Variants in EPB41 observed in about 807,000 individuals in gnomAD.
EPB41 encodes the protein protein 4.1.
A neutral mutation model predicts 108.0 loss-of-function variants in EPB41; 65 were observed. That is an observed-to-expected ratio of 0.60 (90% CI 0.49 to 0.74). The LOEUF (loss-of-function observed/expected upper bound fraction) is 0.74, where lower values mean the gene tolerates loss of function less well. Among genes scored for constraint, EPB41 ranks in the 30% least tolerant of loss-of-function variants. EPB41 has a pLI of 0.00. For missense variants in EPB41, 875 were observed against 1,037.0 expected (o/e 0.84, Z 2.15); for synonymous variants, 336 against 358.9 (o/e 0.94, Z 0.72).
At chr1:28,955,676 C>T (rs560807593) in intron 1 of EPB41, among the ~76,000 whole-genome samples, 4 of 152,062 alleles carry the variant, frequency 2.6e-5, no homozygotes, top group African/African-American at 4.8e-5. Context: ...GACTGTCCTC[C>T]GTTTACTGAG....
chr1:29,107,131 C>T (rs1282519477), intron 17 of EPB41, among the ~76,000 whole-genome samples: 1 of 151,474 alleles, frequency 6.6e-6, no homozygotes, highest in African/African-American at 2.4e-5. Flanking sequence ...TGCGGTGAGC[C>T]GAGATCCCAC....
chr1:29,015,323 C>T (rs555878912), intron 5 of EPB41, among the ~76,000 whole-genome samples: 2 of 151,550 alleles, frequency 1.3e-5, no homozygotes, highest in African/African-American at 2.4e-5. Flanking sequence ...TTTGGGAGGC[C>T]GAGGCGGGTG....
At chr1:29,102,681 G>A (rs1475434821) in intron 17 of EPB41, among the ~76,000 whole-genome samples, 1 of 152,056 alleles carries the variant, frequency 6.6e-6, no homozygotes, top group Non-Finnish European at 1.5e-5. Context: ...TCTGCCTCCC[G>A]AGTTCAAGTG....
chr1:28,980,318 A>G (rs1222945255), intron 1 of EPB41, among the ~76,000 whole-genome samples: 3 of 152,164 alleles, frequency 2.0e-5, no homozygotes, highest in African/African-American at 7.2e-5. Flanking sequence ...AGCCTGGGCC[A>G]CAGAGCCAGA....
intron 1 of EPB41, among the ~76,000 whole-genome samples, chr1:28,897,169 C>T (rs2090758620): frequency 6.6e-6 from 1 of 152,050 alleles, no homozygotes; most frequent in Non-Finnish European, 1.5e-5. Context: ...GGGATGAGAC[C>T]TCTTTGGGGT....
At chr1:28,913,015 C>G (rs114065036), upstream of EPB41, among the ~76,000 whole-genome samples, 1,217 of 152,204 alleles carry the variant, frequency 8.0e-3, 24 homozygotes, top group African/African-American at 0.027. Context: ...TGCTCTGTTG[C>G]CCAAGCTGGA....
intron 16 of EPB41, chr1:29,065,932 A>C (rs1647368653): frequency 6.6e-6 from 1 of 152,228 alleles, no homozygotes. Context: ...GCACCACTGC[A>C]CTACAGCCTG....
intron 16 of EPB41, chr1:29,070,544 C>G: frequency 8.1e-7 from 1 of 1,232,102 alleles, no homozygotes; most frequent in East Asian, 3.2e-5. Context: ...TTTTCCATCT[C>G]CTCGTATTCC....
At chr1:28,988,032 G>T (rs1285026416) in intron 2 of EPB41, 127 bp downstream of exon 2, 79 of 973,544 alleles carry the variant, frequency 8.1e-5, no homozygotes, top group Non-Finnish European at 8.1e-5. Flanking sequence ...GGAGGCCGAG[G>T]CAGGCGGATC....
Position 29,065,169 on chromosome 1 carries a change from T to C in EPB41, c.2184+11T>C, listed in dbSNP as rs1573442293. 1.9e-6 allele frequency: 3 copies of C among 1,568,856 alleles called. No individual in the cohort carries two copies. In the African/African-American group the frequency reaches 4.1e-5, roughly 21 times the overall value. ...CCCACAGGAGAAGGAGTGAGTACTTTGTCCACATGACCAATTGTGAAAATG... is the reference window on the plus strand; with the variant it reads ...CCCACAGGAGAAGGAGTGAGTACTTCGTCCACATGACCAATTGTGAAAATG... On this transcript the variant is annotated intron_variant, in intron 16 of 20. Coordinates refer to ENST00000343067, the MANE Select transcript of EPB41 (RefSeq NM_001376013.1).
chr1:28,989,424 A>G, intron 2 of EPB41: 1 of 978,374 alleles, frequency 1.0e-6, no homozygotes, highest in Non-Finnish European at 1.2e-6. Context: ...TATTATCTGC[A>G]TCGTTAAAAG....
In EPB41 at chr1:29,030,151, T is replaced by A. The variant is rs10915216; in HGVS notation, c.1125-249T>A. ...AAATTGTTTAGTAGGATTAAAAAAA[T>A]TTTTTTTGCAGCTTTTTGGTGACTT... On this transcript the variant is annotated intron_variant, in intron 7 of 20. Coordinates refer to ENST00000343067, the MANE Select transcript of EPB41 (RefSeq NM_001376013.1). Among the ~76,000 whole-genome samples the A allele has an allele frequency of 0.42, 63,593 of 151,636 alleles. 15,165 individuals are homozygous for A. The highest frequency in any genetic ancestry group is 0.56 in the South Asian group (2,689 of 4,806).
At chr1:28,980,953 A>G (rs1388232699) in intron 1 of EPB41, among the ~76,000 whole-genome samples, 1 of 151,978 alleles carries the variant, frequency 6.6e-6, no homozygotes, top group African/African-American at 2.4e-5. Flanking sequence ...TTGTATTTTT[A>G]GTAGAGACAG....
intron 7 of EPB41, among the ~76,000 whole-genome samples, chr1:29,027,651 C>T (rs1397748252): frequency 2.0e-5 from 3 of 151,528 alleles, no homozygotes; most frequent in Admixed American, 1.3e-4. Context: ...CTCTCTATGT[C>T]GCCTAGGCTC....
Position 29,018,536 on chromosome 1 carries a change from T to C in EPB41, c.1124+94T>C, listed in dbSNP as rs1481466288. On this transcript the variant is annotated intron_variant, in intron 7 of 20. Coordinates refer to ENST00000343067, the MANE Select transcript of EPB41 (RefSeq NM_001376013.1). The surrounding 1 kb of genome is among the most constrained non-coding windows in gnomAD (Gnocchi z 4.4). Reference sequence around the variant, plus strand: ...TTCATTGTTTGCCTAAGAGGGATCATGGTGCCATAGAAAGAGTCAGTTTCC... The same window carrying C: ...TTCATTGTTTGCCTAAGAGGGATCACGGTGCCATAGAAAGAGTCAGTTTCC... 2 of 1,260,114 alleles carry C rather than the reference T, an allele frequency of 1.6e-6. No individual in the cohort carries two copies. The highest frequency in any genetic ancestry group is 1.2e-5 in the South Asian group (1 of 82,676). 78.1% of individuals were successfully genotyped at this position (1,260,114 alleles called of 1,614,324 possible).
chr1:28,969,580 A>G (rs2149278352), intron 1 of EPB41, among the ~76,000 whole-genome samples: 1 of 151,086 alleles, frequency 6.6e-6, no homozygotes, highest in African/African-American at 2.4e-5. Context: ...CCTGGCTAAC[A>G]CGGTGAAACC....
rs1646000592 is a variant in EPB41, at chr1:29,058,798, T to C, written c.1903-13T>C. The C allele has an allele frequency of 6.5e-7, 1 of 1,542,252 alleles. No homozygotes were observed. Among genetic ancestry groups the C allele is most frequent in the South Asian group, 1.2e-5 (1 of 81,222 alleles). Reference sequence around the variant, plus strand: ...TATCATTTTTCTTTCTTTTTTAAATTATGGCAAAACAGAAGCTTGCAGAAA... The same window carrying C: ...TATCATTTTTCTTTCTTTTTTAAATCATGGCAAAACAGAAGCTTGCAGAAA... On this transcript the variant is annotated splice_polypyrimidine_tract_variant and intron_variant, in intron 13 of 20. Coordinates refer to ENST00000343067, the MANE Select transcript of EPB41 (RefSeq NM_001376013.1).
chr1:29,055,945 A>AAAG (rs1558174072), intron 12 of EPB41, among the ~76,000 whole-genome samples: 2 of 149,142 alleles, frequency 1.3e-5, no homozygotes, highest in East Asian at 4.0e-4. Flanking sequence ...AAAAAAAAAA[A>AAAG]AAAAAAAAGG....
chr1:29,057,103 G>A (rs765709980), intron 12 of EPB41, among the ~76,000 whole-genome samples: 11 of 152,026 alleles, frequency 7.2e-5, no homozygotes, highest in Non-Finnish European at 1.5e-4. Flanking sequence ...CCAGCCAGGC[G>A]CAGTGGCTTA....
Sources: gnomAD v4.1 joint callset for allele counts (sites outside exome capture counted in the v4.1 genomes callset) on GRCh38, gnomAD v4.1.1 for gene constraint, Gnocchi (gnomAD v3.1) non-coding constraint, MANE v1.5 for transcripts, NCBI Gene and HGNC (gene_info 2026-07-23, HGNC 2026-07-21) for gene names.